Variants in SNRNP70 observed in about 807,000 individuals in gnomAD.
SNRNP70 encodes small nuclear ribonucleoprotein U1 subunit 70, also known as U1 small nuclear ribonucleoprotein 70 kDa.
In SNRNP70, 8 loss-of-function variants were observed where a neutral mutation model predicts 50.5. The ratio of observed to expected loss-of-function variants is 0.16; its 90% CI spans 0.09 to 0.29. SNRNP70 has a LOEUF of 0.29. Among genes scored for constraint, SNRNP70 ranks in the 10% least tolerant of loss-of-function variants. SNRNP70 has a pLI of 1.00. For synonymous variants in SNRNP70, 320 were observed against 252.9 expected (o/e 1.27, Z -2.52); for missense variants, 529 against 663.5 (o/e 0.80, Z 2.23).
In SNRNP70 at chr19:49,108,107, C is replaced by A; in HGVS notation, c.978C>A (p.Pro326=). 6.5e-7 allele frequency: 1 copy of A among 1,550,076 alleles called. No individual in the cohort carries two copies. Among genetic ancestry groups the A allele is most frequent in the African/African-American group, 1.4e-5 (1 of 73,666 alleles). ...AGCCCTCCGAGGCGGGTGACGCGCC[C>A]CCTGATGATGGGCCTCCAGGGGAGC... ...MAEPSEAGDA[P]PDDGPPGELG... is the part of the protein sequence containing the mutation. The change falls in exon 10 of 10, where the codon CCC becomes CCA. Residue 326 remains proline (P), a synonymous_variant. Transcript: ENST00000598441.
chr19:49,100,554 C>T (rs1384951627), intron 6 of SNRNP70, among the ~76,000 whole-genome samples: 1 of 152,184 alleles, frequency 6.6e-6, no homozygotes, highest in African/African-American at 2.4e-5. Context: ...CGCCCGTAAT[C>T]CCAGCACTTT....
intron 2 of SNRNP70, among the ~76,000 whole-genome samples, chr19:49,089,656 A>ATTTTTTTTT (rs71179085): frequency 4.8e-5 from 4 of 82,584 alleles, no homozygotes; most frequent in African/African-American, 4.6e-5. Context: ...TTGAGACAGG[A>ATTTTTTTTT]TTTTTTTTTT....
Position 49,107,800 on chromosome 19 carries a change from GC to G in SNRNP70, c.675del (p.Ser226ProfsTer206). The G allele has an allele frequency of 6.2e-7, 1 of 1,603,802 alleles. No homozygotes were observed. Among genetic ancestry groups the G allele is most frequent in the Admixed American group, 1.7e-5 (1 of 58,680 alleles). The part of the protein sequence containing the change: ...DDTSRYDERP[G>X]PSPLPHRDRD... The stretch of plus-strand genomic sequence containing the variant: ...GGTCTGCCCACCTCATCCAGGCCCG[GC>G]CCCTCCCCGCTTCCGCACAGGGACC... On this transcript the variant is annotated frameshift_variant, in exon 10 of 10. Transcript: ENST00000598441. LOFTEE classifies it high-confidence loss of function. The surrounding 1 kb of genome is among the most constrained non-coding windows in gnomAD (Gnocchi z 6.0).
chr19:49,105,903 T>A (rs1213800152), intron 8 of SNRNP70, among the ~76,000 whole-genome samples: 1 of 152,000 alleles, frequency 6.6e-6, no homozygotes, highest in Admixed American at 6.5e-5. Flanking sequence ...CCTGGATGAG[T>A]CTCTTGTTTC....
At chr19:49,093,592 T>C (rs1568418933) in intron 4 of SNRNP70, among the ~76,000 whole-genome samples, 1 of 142,684 alleles carries the variant, frequency 7.0e-6, no homozygotes, top group African/African-American at 2.6e-5. Flanking sequence ...GGCAAGAGAA[T>C]CCTTTGAACC....
intron 7 of SNRNP70, chr19:49,101,976 C>T (rs1043795953): frequency 2.4e-6 from 1 of 423,756 alleles, no homozygotes; most frequent in African/African-American, 2.0e-5. Flanking sequence ...ATGTTGAGCG[C>T]CTGCCCCTAC....
intron 4 of SNRNP70, among the ~76,000 whole-genome samples, chr19:49,092,540 C>T (rs2040460368): frequency 6.6e-6 from 1 of 152,158 alleles, no homozygotes; most frequent in Non-Finnish European, 1.5e-5. Context: ...TTCTGAGCAG[C>T]TGGGACTACA....
chr19:49,102,461 C>T (rs549615454), intron 7 of SNRNP70: 52 of 268,026 alleles, frequency 1.9e-4, no homozygotes, highest in Admixed American at 1.5e-3. Flanking sequence ...GACCCGGCTT[C>T]GTGATGTCAG....
chr19:49,093,417 G>A (rs546104573), intron 4 of SNRNP70, among the ~76,000 whole-genome samples: 1 of 152,122 alleles, frequency 6.6e-6, no homozygotes, highest in East Asian at 2.0e-4. Flanking sequence ...TTCCACCCGG[G>A]CGTGGTGGCT....
Position 49,104,864 on chromosome 19 carries a change from G to A in SNRNP70, c.577+129G>A. On this transcript the variant is annotated intron_variant, in intron 8 of 9. Coordinates refer to ENST00000598441, the MANE Select transcript of SNRNP70 (RefSeq NM_003089.6). This position sits in a 1 kb window ranked among gnomAD's most constrained non-coding sequence, Gnocchi z 5.4. ...CTCTCCCATCGCGTCCTCATCTCCG[G>A]CTTCTCTCTCTTGTGGCCATCACAT... The A allele has an allele frequency of 1.7e-6, 1 of 596,976 alleles. No individual in the cohort carries two copies. Among genetic ancestry groups the A allele is most frequent in the East Asian group, 3.0e-5 (1 of 33,260 alleles). The allele number at this position is 596,976 out of a possible 1,614,324, so 37.0% of individuals were successfully genotyped here.
At chr19:49,086,952 G>A (rs1302865886) in intron 2 of SNRNP70, among the ~76,000 whole-genome samples, 1 of 151,882 alleles carries the variant, frequency 6.6e-6, no homozygotes, top group African/African-American at 2.4e-5. Flanking sequence ...TTGGGAGACC[G>A]AGGCAGGCGG....
intron 2 of SNRNP70, among the ~76,000 whole-genome samples, chr19:49,088,376 G>A (rs1220411462): frequency 6.8e-6 from 1 of 147,062 alleles, no homozygotes; most frequent in Non-Finnish European, 1.5e-5. Context: ...CTAATTTTTT[G>A]TATTTTTAGA....
At position 49,103,448 on chromosome 19, in the gene SNRNP70, G is replaced by A. The variant is rs113821321; in HGVS notation, c.476-1186G>A. On this transcript the variant is annotated intron_variant, in intron 7 of 9. Coordinates refer to ENST00000598441, the MANE Select transcript of SNRNP70 (RefSeq NM_003089.6). ...GTGGTGGTGGGTGTGGGGTCTGTGC[G>A]CGTGCTCAGGTAAGCTTGGGGGCTC... 7.0e-3 allele frequency: 1,071 copies of A among 152,626 alleles called. 6 individuals are homozygous for A. The highest frequency in any genetic ancestry group is 0.013 in the Admixed American group (198 of 15,256). The allele number at this position is 152,626 out of a possible 1,614,324, so 9.5% of individuals were successfully genotyped here. A position where few individuals can be genotyped will look rare whatever the true frequency, so the allele number is the denominator to read the frequency against.
Position 49,107,729 on chromosome 19 carries a change from G to C in SNRNP70, c.665+17G>C. On this transcript the variant is annotated intron_variant, in intron 9 of 9. Coordinates refer to ENST00000598441, the MANE Select transcript of SNRNP70 (RefSeq NM_003089.6). The surrounding 1 kb of genome is among the most constrained non-coding windows in gnomAD (Gnocchi z 6.0). ...CGATGAGAGGTAAGATTGGGCGACC[G>C]GTGTCCTGGGGTGGGGGGCGGTCAC... is the stretch of plus-strand genomic sequence containing the variant. The C allele has an allele frequency of 6.2e-7, 1 of 1,613,714 alleles. No individual in the cohort carries two copies.
chr19:49,085,865 TC>T (rs58328233), intron 1 of SNRNP70, among the ~76,000 whole-genome samples: 2,461 of 152,266 alleles, frequency 0.016, 67 homozygotes, highest in African/African-American at 0.056. Flanking sequence ...TGGCCTTTTT[TC>T]TTTTTCGTTT....
chr19:49,098,085 T>A (rs2040535265), intron 4 of SNRNP70, among the ~76,000 whole-genome samples: 2 of 152,198 alleles, frequency 1.3e-5, no homozygotes, highest in Admixed American at 1.3e-4. Context: ...CTATTACTGT[T>A]TGGATCACCT....
At chr19:49,105,956 C>G (rs2040662518) in intron 8 of SNRNP70, among the ~76,000 whole-genome samples, 1 of 152,314 alleles carries the variant, frequency 6.6e-6, no homozygotes, top group South Asian at 2.1e-4. Flanking sequence ...GCCTGGGGTC[C>G]TGTTGCTCAG....
At chr19:49,093,637 C>G (rs2040475943) in intron 4 of SNRNP70, among the ~76,000 whole-genome samples, 1 of 143,100 alleles carries the variant, frequency 7.0e-6, no homozygotes, top group African/African-American at 2.6e-5. Context: ...CGAGATCACG[C>G]CATTGCACTC....
intron 4 of SNRNP70, among the ~76,000 whole-genome samples, chr19:49,091,880 CAT>C (rs1052181411): frequency 2.9e-4 from 44 of 152,300 alleles, no homozygotes; most frequent in Admixed American, 2.6e-3. Flanking sequence ...TTCTCTGGGA[CAT>C]AGACATTCAG....
Sources: allele counts gnomAD v4.1 joint callset (sites outside exome capture counted in the v4.1 genomes callset), GRCh38; gene constraint gnomAD v4.1.1; non-coding constraint Gnocchi (gnomAD v3.1); transcripts MANE v1.5; gene names NCBI Gene and HGNC (gene_info 2026-07-23, HGNC 2026-07-21).